TMEM232: variants seen among roughly 807,000 people sequenced by gnomAD.
TMEM232 encodes transmembrane protein 232.
Under a neutral mutation model 78.8 loss-of-function variants are expected in TMEM232, and 80 were observed. The observed-to-expected ratio is 1.01, with a 90% CI of 0.85 to 1.22. TMEM232 has a LOEUF of 1.22. TMEM232 is among the 50% of genes most tolerant of loss of function. The pLI, the probability that TMEM232 is intolerant of heterozygous loss-of-function variation, is 0.00. For missense variants in TMEM232, 881 were observed against 742.2 expected (o/e 1.19, Z -2.17); for synonymous variants, 297 against 254.3 (o/e 1.17, Z -1.60).
At chr5:110,617,669 T>G (rs1473315925) in intron 8 of TMEM232, among the ~76,000 whole-genome samples, 2 of 152,058 alleles carry the variant, frequency 1.3e-5, no homozygotes, top group Non-Finnish European at 2.9e-5. Flanking sequence ...TCAAGATTTA[T>G]TTTTGGCTGG....
intron 12 of TMEM232, among the ~76,000 whole-genome samples, chr5:110,490,121 A>AAAAGAAAGAAAG (rs201189138): frequency 0.027 from 2,982 of 110,474 alleles, 84 homozygotes; most frequent in East Asian, 0.053. Flanking sequence ...CTCCGTTTCA[A>AAAAGAAAGAAAG]AAAGAAAGAA....
downstream of TMEM232, among the ~76,000 whole-genome samples, chr5:110,415,608 T>C (rs1435844421): frequency 6.6e-6 from 1 of 152,050 alleles, no homozygotes; most frequent in East Asian, 1.9e-4. Flanking sequence ...TGATGGAGAA[T>C]GTATGCTATG....
At chr5:110,492,012 G>C (rs1765150980) in intron 12 of TMEM232, among the ~76,000 whole-genome samples, 1 of 151,708 alleles carries the variant, frequency 6.6e-6, no homozygotes. Flanking sequence ...AAATACTTCA[G>C]TGCAATCATA....
intron 8 of TMEM232, among the ~76,000 whole-genome samples, chr5:110,607,899 C>T (rs948401578): frequency 6.6e-6 from 1 of 151,840 alleles, no homozygotes; most frequent in Non-Finnish European, 1.5e-5. Flanking sequence ...TAAAAATCAC[C>T]TGCTATACAT....
chr5:110,398,440 G>T (rs1755473191), intron 2 of TMEM232, among the ~76,000 whole-genome samples: 1 of 152,134 alleles, frequency 6.6e-6, no homozygotes, highest in Non-Finnish European at 1.5e-5. Context: ...ATGCCCAAAA[G>T]TGCTCCAGGT....
At chr5:110,660,054 C>T (rs991070243) in intron 2 of TMEM232, among the ~76,000 whole-genome samples, 2 of 152,004 alleles carry the variant, frequency 1.3e-5, no homozygotes, top group East Asian at 1.9e-4. Flanking sequence ...AAGAAAGATA[C>T]ATCCATAGAT....
upstream of TMEM232, among the ~76,000 whole-genome samples, chr5:110,727,328 T>C (rs1034291991): frequency 6.6e-6 from 1 of 152,194 alleles, no homozygotes; most frequent in African/African-American, 2.4e-5. Flanking sequence ...AATTCATACG[T>C]AGGCCGGGCG....
intron 11 of TMEM232, among the ~76,000 whole-genome samples, chr5:110,532,855 G>A (rs1041562427): frequency 1.9e-4 from 29 of 152,066 alleles, no homozygotes; most frequent in African/African-American, 5.3e-4. Flanking sequence ...TGCTTTGAAA[G>A]GATTAAAGCC....
At chr5:110,641,380 C>T (rs1298471453) in intron 3 of TMEM232, among the ~76,000 whole-genome samples, 2 of 151,954 alleles carry the variant, frequency 1.3e-5, no homozygotes, top group East Asian at 3.9e-4. Context: ...GCTGGAAAAC[C>T]CTGGCTACTT....
intron 11 of TMEM232, among the ~76,000 whole-genome samples, chr5:110,533,294 A>T (rs1458860130): frequency 6.6e-6 from 1 of 152,174 alleles, no homozygotes; most frequent in Non-Finnish European, 1.5e-5. Flanking sequence ...ATAAAAGCAC[A>T]CATGCTCTCC....
At chr5:110,587,685 ATATATATGTGTGTGTGTGTGTGTGTG>A (rs1332577052) in intron 10 of TMEM232, among the ~76,000 whole-genome samples, 1,429 of 90,646 alleles carry the variant, frequency 0.016, 25 homozygotes, top group African/African-American at 0.074. Flanking sequence ...ATATATATAT[ATATATATGTGTGTGTGTGTGTGTGTG>A]TGTGTGTGTG....
intron 7 of TMEM232, among the ~76,000 whole-genome samples, chr5:110,620,477 C>T (rs56312776): frequency 0.018 from 2,815 of 152,184 alleles, 104 homozygotes; most frequent in African/African-American, 0.065. Context: ...TCCTTAGACT[C>T]TTCCCAAGAT....
chr5:110,414,291 T>C (rs551612783), intron 2 of TMEM232, among the ~76,000 whole-genome samples: 1 of 152,332 alleles, frequency 6.6e-6, no homozygotes, highest in African/African-American at 2.4e-5. Context: ...TACAGTATTA[T>C]ATTTTCTGTC....
intron 8 of TMEM232, among the ~76,000 whole-genome samples, chr5:110,610,147 G>C (rs1181982288): frequency 6.8e-6 from 1 of 147,584 alleles, no homozygotes; most frequent in East Asian, 2.0e-4. Flanking sequence ...TCATAATTTA[G>C]AGGAAAATGC....
At chr5:110,544,441 CA>C (rs575755362) in intron 11 of TMEM232, among the ~76,000 whole-genome samples, 15,054 of 75,480 alleles carry the variant, frequency 0.2, 787 homozygotes, top group South Asian at 0.33. Flanking sequence ...ACACACATAT[CA>C]AAAAAAAAAA....
At chr5:110,651,340 G>C (rs550856744) in intron 2 of TMEM232, among the ~76,000 whole-genome samples, 1 of 151,602 alleles carries the variant, frequency 6.6e-6, no homozygotes, top group East Asian at 1.9e-4. Flanking sequence ...ACATCATGAG[G>C]GAGAGACATT....
At chr5:110,452,531 C>T (rs561216422) in intron 12 of TMEM232, among the ~76,000 whole-genome samples, 308 of 132,578 alleles carry the variant, frequency 2.3e-3, no homozygotes, top group Non-Finnish European at 3.4e-3. Context: ...CAATGATGAC[C>T]CATGAGGAGA....
chr5:110,524,675 T>A (rs1770306700), intron 12 of TMEM232, among the ~76,000 whole-genome samples: 2 of 152,166 alleles, frequency 1.3e-5, no homozygotes, highest in African/African-American at 4.8e-5. Flanking sequence ...TGGTCTATAC[T>A]GTTGTTCAAG....
chr5:110,718,644 G>A (rs1797266990), intron 1 of TMEM232, among the ~76,000 whole-genome samples: 1 of 151,752 alleles, frequency 6.6e-6, no homozygotes, highest in Admixed American at 6.6e-5. Context: ...TTTTTTTAGT[G>A]TTTGTGAAGT....
Sources: allele counts gnomAD v4.1 joint callset (sites outside exome capture counted in the v4.1 genomes callset), GRCh38; gene constraint gnomAD v4.1.1; transcripts MANE v1.5; gene names NCBI Gene and HGNC (gene_info 2026-07-23, HGNC 2026-07-21).